VOPP1: variants seen among roughly 807,000 people sequenced by gnomAD.
VOPP1 encodes the protein VOPP1 WW domain binding protein.
Under a neutral mutation model 23.5 loss-of-function variants are expected in VOPP1, and 8 were observed. The observed-to-expected ratio is 0.34, with a 90% CI of 0.20 to 0.61. The LOEUF (loss-of-function observed/expected upper bound fraction) is 0.61. Ranked by LOEUF, VOPP1 falls within the 20% of genes least tolerant of loss-of-function variation. The probability of loss-of-function intolerance (pLI) is 0.78; values close to 1 mark genes in which losing one functional copy is unlikely to be tolerated. For synonymous variants in VOPP1, 83 were observed against 97.3 expected (o/e 0.85, Z 0.86); for missense variants, 174 against 238.1 (o/e 0.73, Z 1.77).
At position 55,449,415 on chromosome 7, in the gene VOPP1, G is replaced by A. The variant is rs573985514; in HGVS notation, n.418-13241C>T. On this transcript the variant is annotated intron_variant and non_coding_transcript_variant, in intron 4 of 4. Transcript: ENST00000462326. ...AGGTCAGGGACACCCGTCCACCTGC[G>A]TCTGCCATCGCTTCGGGGCCTGCCG... Among the ~76,000 whole-genome samples, 257 of 152,300 alleles carry A rather than the reference G, an allele frequency of 1.7e-3. 2 individuals are homozygous for A. The highest frequency in any genetic ancestry group is 6.8e-3 in the Middle Eastern group (2 of 294).
intron 1 of VOPP1, among the ~76,000 whole-genome samples, chr7:55,535,696 T>C (rs1796744627): frequency 6.6e-6 from 1 of 152,226 alleles, no homozygotes; most frequent in Non-Finnish European, 1.5e-5. Context: ...CTTGGGGCTC[T>C]GATTAAATTT....
At chr7:55,538,568 C>T (rs974806217) in intron 1 of VOPP1, 17 of 1,511,084 alleles carry the variant, frequency 1.1e-5, no homozygotes, top group Non-Finnish European at 1.2e-5. Flanking sequence ...CTGTAAACTG[C>T]TTTACATGGT....
intron 1 of VOPP1, among the ~76,000 whole-genome samples, chr7:55,547,291 T>A (rs1797407593): frequency 6.6e-6 from 1 of 152,148 alleles, no homozygotes; most frequent in Admixed American, 6.5e-5. Flanking sequence ...TGAGGCTACC[T>A]TCCCCCTGGG....
At position 55,475,284 on chromosome 7, in the gene VOPP1, C is replaced by T. The variant is rs1792154779; in HGVS notation, c.329-2239G>A. ...AGCTGGGAGCTGGTGCACAGGAAGG[C>T]ACCCGAGACAGTGGGCCGAGTGGGC... On this transcript the variant is annotated intron_variant, in intron 4 of 4. Transcript: ENST00000285279. 2.6e-5 allele frequency among the ~76,000 whole-genome samples: 4 copies of T among 152,276 alleles called. No homozygotes were observed. In the South Asian group the frequency reaches 6.2e-4, roughly 24 times the overall value.
chr7:55,527,666 C>A (rs1488307049), intron 1 of VOPP1, among the ~76,000 whole-genome samples: 1 of 152,076 alleles, frequency 6.6e-6, no homozygotes. Flanking sequence ...TAATCAGTAA[C>A]CAAACTTAAA....
chr7:55,523,476 C>T (rs1286843873), intron 1 of VOPP1, among the ~76,000 whole-genome samples: 3 of 152,054 alleles, frequency 2.0e-5, no homozygotes, highest in Non-Finnish European at 2.9e-5. Context: ...CTAACAGAGT[C>T]GAGGCCAGAG....
At chr7:55,492,560 G>T in intron 3 of VOPP1, 142 bp from the exon 4 acceptor site, 1 of 1,055,392 alleles carries the variant, frequency 9.5e-7, no homozygotes, top group South Asian at 2.0e-5. Flanking sequence ...CAAGGGCAGA[G>T]CCATGAGGCT....
downstream of VOPP1, among the ~76,000 whole-genome samples, chr7:55,468,739 A>G (rs1791699893): frequency 6.6e-6 from 1 of 152,204 alleles, no homozygotes; most frequent in Non-Finnish European, 1.5e-5. Context: ...AATGACACCA[A>G]TGTGGAGATA....
At chr7:55,492,244 C>CA (rs1379711932) in intron 4 of VOPP1, 38 bp downstream of exon 4, 6 of 1,582,802 alleles carry the variant, frequency 3.8e-6, no homozygotes, top group Non-Finnish European at 5.2e-6. Context: ...AGACGACACA[C>CA]ACTGTGGGGA....
intron 1 of VOPP1, among the ~76,000 whole-genome samples, chr7:55,553,561 A>C (rs980032120): frequency 2.0e-5 from 3 of 152,080 alleles, no homozygotes; most frequent in African/African-American, 4.8e-5. Flanking sequence ...CCAATGATAC[A>C]AATTAGGGGT....
rs1167130614 is a variant in VOPP1, at chr7:55,472,060, C to CGTTT, written c.*794_*795insAAAC. 2.2e-4 allele frequency: 33 copies of CGTTT among 152,324 alleles called. No homozygotes were observed. Among genetic ancestry groups the CGTTT allele is most frequent in the African/African-American group, 7.9e-4 (33 of 41,560 alleles). 9.4% of individuals were successfully genotyped at this position (152,324 alleles called of 1,614,324 possible). A position where few individuals can be genotyped will look rare whatever the true frequency, so the allele number is the denominator to read the frequency against. ...GACGCTCTACATGCACTTCCATAAA[C>CGTTT]ACACCAAAAAAATGGGTAACAGTCC... On this transcript the variant is annotated 3_prime_UTR_variant, in exon 5 of 5. Coordinates refer to ENST00000285279, the MANE Select transcript of VOPP1 (RefSeq NM_030796.5).
intron 4 of VOPP1, among the ~76,000 whole-genome samples, chr7:55,439,447 AG>A (rs755743381): frequency 2.0e-5 from 3 of 152,208 alleles, no homozygotes; most frequent in Non-Finnish European, 4.4e-5. Context: ...TTGAAAAGGT[AG>A]GACAAAGAGA....
intron 4 of VOPP1, among the ~76,000 whole-genome samples, chr7:55,481,890 G>A (rs907375949): frequency 6.6e-6 from 1 of 152,186 alleles, no homozygotes; most frequent in Admixed American, 6.5e-5. Flanking sequence ...GAGGTATGCA[G>A]CTTCTACTTC....
intron 1 of VOPP1, among the ~76,000 whole-genome samples, chr7:55,559,031 A>G (rs926570172): frequency 2.6e-5 from 4 of 152,198 alleles, no homozygotes; most frequent in Admixed American, 6.5e-5. Context: ...AAAGCTTTGC[A>G]AACAACTTGA....
chr7:55,450,291 C>T (rs2129001464), intron 4 of VOPP1, among the ~76,000 whole-genome samples: 1 of 151,702 alleles, frequency 6.6e-6, no homozygotes, highest in South Asian at 2.1e-4. Flanking sequence ...CTTGGGTGTC[C>T]CCAGCAGCAC....
chr7:55,472,955 AC>A lies in VOPP1; in HGVS notation c.418del (p.Val140SerfsTer29). Reference sequence around the variant, plus strand: ...ACTCCCCTGGGGTGAGTTGGGTGGGACCTGGAAAGCCATTGCCATGGAATTC... The same window carrying A: ...ACTCCCCTGGGGTGAGTTGGGTGGGACTGGAAAGCCATTGCCATGGAATTC... ...VGNSMAMAFQ[V>X]PPNSPQGSVA... On this transcript the variant is annotated frameshift_variant, in exon 5 of 5. Coordinates refer to ENST00000285279, the MANE Select transcript of VOPP1 (RefSeq NM_030796.5). LOFTEE classifies it high-confidence loss of function. 6.3e-7 allele frequency: 1 copy of A among 1,587,604 alleles called. No individual in the cohort carries two copies. Among genetic ancestry groups the A allele is most frequent in the Non-Finnish European group, 8.5e-7 (1 of 1,170,410 alleles).
chr7:55,497,220 G>A (rs2129024134), intron 3 of VOPP1, among the ~76,000 whole-genome samples: 1 of 152,336 alleles, frequency 6.6e-6, no homozygotes, highest in South Asian at 2.1e-4. Flanking sequence ...AACACAAGAT[G>A]GATGGGGAAG....
chr7:55,539,076 G>C (rs1011887877), intron 1 of VOPP1, among the ~76,000 whole-genome samples: 4 of 151,550 alleles, frequency 2.6e-5, no homozygotes, highest in Non-Finnish European at 5.9e-5. Flanking sequence ...GGGTGTGATG[G>C]CTCACGCCTG....
At position 55,552,757 on chromosome 7, in the gene VOPP1, G is replaced by A. The variant is rs73698789; in HGVS notation, c.54+19514C>T. The stretch of plus-strand genomic sequence containing the variant: ...CAGGTTGCCGGCACACGGAGTTCAC[G>A]CAGAGAGGCAGCAAGTGGAGCCTGT... On this transcript the variant is annotated intron_variant, in intron 1 of 4. Transcript: ENST00000285279. 816 of 1,532,028 alleles carry A rather than the reference G, an allele frequency of 5.3e-4. 5 individuals carry two copies. The African/African-American group carries it at 9.7e-3, about 18-fold the overall frequency. 94.9% of individuals were successfully genotyped at this position (1,532,028 alleles called of 1,614,324 possible).
Sources: gnomAD v4.1 joint callset for allele counts (sites outside exome capture counted in the v4.1 genomes callset) on GRCh38, gnomAD v4.1.1 for gene constraint, MANE v1.5 for transcripts, NCBI Gene and HGNC (gene_info 2026-07-23, HGNC 2026-07-21) for gene names.